PATJ: variants seen among roughly 807,000 people sequenced by gnomAD.
PATJ encodes the protein inaD-like protein.
Under a neutral mutation model 224.9 loss-of-function variants are expected in PATJ, and 190 were observed. The observed-to-expected ratio is 0.84, with a 90% CI of 0.75 to 0.95. The LOEUF (loss-of-function observed/expected upper bound fraction) is 0.95, where lower values mean the gene tolerates loss of function less well. Ranked by LOEUF, PATJ falls within the 40% of genes least tolerant of loss-of-function variation. The pLI, the probability that PATJ is intolerant of heterozygous loss-of-function variation, is 0.00. For missense variants in PATJ, 2,121 were observed against 2,270.3 expected, an observed-to-expected ratio of 0.93 and a Z score of 1.34; for synonymous variants, 769 against 820.3, an observed-to-expected ratio of 0.94 and a Z score of 1.07.
At chr1:61,962,062 A>G (rs907103593) in intron 27 of PATJ, among the ~76,000 whole-genome samples, 9 of 151,624 alleles carry the variant, frequency 5.9e-5, no homozygotes, top group Non-Finnish European at 1.2e-4. Flanking sequence ...AATACCATCT[A>G]TTCTTACTGG....
chr1:62,071,635 A>G (rs1558127989), intron 31 of PATJ, among the ~76,000 whole-genome samples: 1 of 148,418 alleles, frequency 6.7e-6, no homozygotes. Context: ...CTGGGATTAC[A>G]GGCACCCAGC....
chr1:62,150,816 T>TA (rs11432069), intron 42 of PATJ, among the ~76,000 whole-genome samples: 83,430 of 151,274 alleles, frequency 0.55, 23,142 homozygotes, highest in East Asian at 0.75. Flanking sequence ...CCTGTGTTTA[T>TA]AAAAAAATGT....
At chr1:61,987,442 G>A (rs78998364) in intron 27 of PATJ, among the ~76,000 whole-genome samples, 1 of 152,008 alleles carries the variant, frequency 6.6e-6, no homozygotes, top group Non-Finnish European at 1.5e-5. Context: ...TGAGAGAGGT[G>A]TGTTAAAATT....
At chr1:61,776,206 A>G (rs1263221372) in intron 7 of PATJ, among the ~76,000 whole-genome samples, 2 of 152,234 alleles carry the variant, frequency 1.3e-5, no homozygotes, top group African/African-American at 4.8e-5. Flanking sequence ...GTATTTATTT[A>G]GAACAGCAGT....
intron 39 of PATJ, among the ~76,000 whole-genome samples, chr1:62,127,165 A>C (rs909277004): frequency 6.6e-6 from 1 of 152,192 alleles, no homozygotes; most frequent in African/African-American, 2.4e-5. Flanking sequence ...AGAGGACAAA[A>C]TGAGAAATAT....
intron 17 of PATJ, among the ~76,000 whole-genome samples, chr1:61,841,147 A>G (rs1572670): frequency 0.56 from 84,533 of 151,694 alleles, 24,594 homozygotes; most frequent in East Asian, 0.82. Context: ...CTCTATTTCT[A>G]TTTCTTCCAC....
At chr1:61,986,408 C>A (rs1644758573) in intron 27 of PATJ, among the ~76,000 whole-genome samples, 1 of 151,860 alleles carries the variant, frequency 6.6e-6, no homozygotes, top group Admixed American at 6.6e-5. Flanking sequence ...TCTTTTAGTT[C>A]TGTAATTTAT....
At chr1:61,938,492 T>C (rs1446899529) in intron 27 of PATJ, among the ~76,000 whole-genome samples, 1 of 152,150 alleles carries the variant, frequency 6.6e-6, no homozygotes, top group Non-Finnish European at 1.5e-5. Context: ...TGTAATATTT[T>C]CATGTAACCA....
chr1:61,752,311 CTTTTTTTT>C (rs370759266), intron 1 of PATJ, among the ~76,000 whole-genome samples: 1 of 124,018 alleles, frequency 8.1e-6, no homozygotes, highest in Non-Finnish European at 1.6e-5. Flanking sequence ...TCATTTCTTT[CTTTTTTTT>C]TTTTTTTTTT....
intron 11 of PATJ, among the ~76,000 whole-genome samples, chr1:61,800,192 G>A (rs1652180649): frequency 6.6e-6 from 1 of 152,178 alleles, no homozygotes; most frequent in South Asian, 2.1e-4. Flanking sequence ...ATCGACAGAA[G>A]TTGTACTAAT....
intron 7 of PATJ, among the ~76,000 whole-genome samples, chr1:61,787,217 T>C (rs1648744837): frequency 6.6e-6 from 1 of 152,224 alleles, no homozygotes; most frequent in Non-Finnish European, 1.5e-5. Context: ...TTCAAAACTC[T>C]GCTCGATGCC....
intron 3 of PATJ, among the ~76,000 whole-genome samples, chr1:61,764,356 A>G (rs967291665): frequency 1.3e-5 from 2 of 151,980 alleles, no homozygotes; most frequent in Non-Finnish European, 2.9e-5. Flanking sequence ...GCTCTAATAC[A>G]TCATTATTGA....
At chr1:61,956,383 G>C (rs1416000375) in intron 27 of PATJ, among the ~76,000 whole-genome samples, 1 of 152,146 alleles carries the variant, frequency 6.6e-6, no homozygotes, top group Non-Finnish European at 1.5e-5. Context: ...AATTTCATTT[G>C]GGTTTTGGCT....
chr1:62,075,492 G>A (rs931896122), intron 31 of PATJ, among the ~76,000 whole-genome samples: 4 of 152,236 alleles, frequency 2.6e-5, no homozygotes, highest in East Asian at 3.9e-4. Context: ...TAGATGGGGC[G>A]GTCAAGTGAC....
rs1571630586 is a variant in PATJ at position 61,980,655 on chromosome 1, C to T, written c.3671-9513C>T. ...AATTTTAAGAAAACCATTCTCTATA[C>T]ATTTTCTTTCCACTTATCCTTTTCT... is the stretch of plus-strand genomic sequence containing the variant. On this transcript the variant is annotated intron_variant, in intron 27 of 43. Transcript: ENST00000642238. 2.6e-5 allele frequency among the ~76,000 whole-genome samples: 4 copies of T among 152,158 alleles called. No individual in the cohort carries two copies. In the Middle Eastern group the frequency reaches 0.014, roughly 518 times the overall value.
intron 29 of PATJ, among the ~76,000 whole-genome samples, chr1:62,033,020 C>T (rs746177343): frequency 3.3e-4 from 50 of 152,230 alleles, no homozygotes; most frequent in Middle Eastern, 3.4e-3. Flanking sequence ...GATTCAGTTA[C>T]CTCCACCTGG....
chr1:62,054,358 G>T, intron 31 of PATJ: 1 of 440,958 alleles, frequency 2.3e-6, no homozygotes, highest in South Asian at 1.6e-5. Flanking sequence ...GTGAAACCCT[G>T]TGTCCAAAAA....
chr1:61,962,345 G>A (rs922262481), intron 27 of PATJ, among the ~76,000 whole-genome samples: 1 of 152,180 alleles, frequency 6.6e-6, no homozygotes, highest in Non-Finnish European at 1.5e-5. Flanking sequence ...TTAGGCAGAA[G>A]GCATGTAATT....
intron 27 of PATJ, among the ~76,000 whole-genome samples, chr1:61,989,729 G>T (rs1180809048): frequency 6.6e-6 from 1 of 152,150 alleles, no homozygotes; most frequent in Non-Finnish European, 1.5e-5. Flanking sequence ...GGTAAGAAAA[G>T]AGTCCACAGA....
Sources: allele counts gnomAD v4.1 joint callset (sites outside exome capture counted in the v4.1 genomes callset), GRCh38; gene constraint gnomAD v4.1.1; transcripts MANE v1.5; gene names NCBI Gene and HGNC (gene_info 2026-07-23, HGNC 2026-07-21).